ROBO1: variants seen among roughly 807,000 people sequenced by gnomAD.
ROBO1 encodes the protein roundabout homolog 1.
Under a neutral mutation model 195.9 loss-of-function variants are expected in ROBO1, and 149 were observed. The observed-to-expected ratio is 0.76, with a 90% CI of 0.67 to 0.87. The LOEUF (loss-of-function observed/expected upper bound fraction) is 0.87, where lower values mean the gene tolerates loss of function less well. Ranked by LOEUF, ROBO1 falls within the 40% of genes least tolerant of loss-of-function variation. The pLI, the probability that ROBO1 is intolerant of heterozygous loss-of-function variation, is 0.00. For synonymous variants in ROBO1, 816 were observed against 733.2 expected, an observed-to-expected ratio of 1.11 and a Z score of -1.82; for missense variants, 1,933 against 2,068.3, an observed-to-expected ratio of 0.93 and a Z score of 1.27.
chr3:78,603,822 A>G (rs1168950999), intron 29 of ROBO1, among the ~76,000 whole-genome samples: 5 of 152,186 alleles, frequency 3.3e-5, no homozygotes. Context: ...ATAATAACTC[A>G]TCAGTGTACC....
chr3:79,730,103 T>A (rs1442204990), intron 1 of ROBO1, among the ~76,000 whole-genome samples: 1 of 152,216 alleles, frequency 6.6e-6, no homozygotes, highest in Non-Finnish European at 1.5e-5. Flanking sequence ...TGTTTCTTCA[T>A]CTACTAGGTG....
chr3:79,659,593 C>G (rs1201760517), intron 1 of ROBO1, among the ~76,000 whole-genome samples: 1 of 146,328 alleles, frequency 6.8e-6, no homozygotes, highest in African/African-American at 2.6e-5. Context: ...GATGTATGAA[C>G]AATGGACCCA....
At chr3:79,434,957 G>T (rs1289598117) in intron 2 of ROBO1, among the ~76,000 whole-genome samples, 2 of 151,920 alleles carry the variant, frequency 1.3e-5, no homozygotes, top group African/African-American at 4.8e-5. Flanking sequence ...GCAAACTATC[G>T]CAAGGACAAA....
chr3:78,680,002 G>A (rs2080854363), intron 10 of ROBO1, among the ~76,000 whole-genome samples: 1 of 152,146 alleles, frequency 6.6e-6, no homozygotes, highest in African/African-American at 2.4e-5. Context: ...CAATGGAACA[G>A]AACACAAGCC....
intron 1 of ROBO1, 150 bp from the exon 2 acceptor site, chr3:79,590,111 G>C: frequency 2.3e-6 from 1 of 439,682 alleles, no homozygotes. Context: ...AATATGAATT[G>C]TATAGATATA....
At chr3:79,587,584 A>C (rs1363079860) in intron 2 of ROBO1, among the ~76,000 whole-genome samples, 4 of 151,678 alleles carry the variant, frequency 2.6e-5, no homozygotes, top group African/African-American at 9.7e-5. Context: ...TTTTTTCTTA[A>C]GAGAAAGAGT....
At chr3:79,219,306 G>C (rs1429972466) in intron 2 of ROBO1, among the ~76,000 whole-genome samples, 1 of 151,918 alleles carries the variant, frequency 6.6e-6, no homozygotes, top group Non-Finnish European at 1.5e-5. Flanking sequence ...CATAGACATT[G>C]AAAAATATGT....
intron 1 of ROBO1, among the ~76,000 whole-genome samples, chr3:79,617,030 G>A (rs531077142): frequency 6.6e-6 from 1 of 152,102 alleles, no homozygotes; most frequent in South Asian, 2.1e-4. Flanking sequence ...TTGAGATAAA[G>A]CACAATGTCT....
intron 4 of ROBO1, among the ~76,000 whole-genome samples, chr3:78,755,271 C>T (rs2082899607): frequency 6.6e-6 from 1 of 152,038 alleles, no homozygotes; most frequent in African/African-American, 2.4e-5. Context: ...AGTTGGAGAC[C>T]AGCCTGCGAA....
intron 2 of ROBO1, among the ~76,000 whole-genome samples, chr3:79,513,568 GAAGT>G (rs1329736045): frequency 2.6e-5 from 4 of 152,168 alleles, no homozygotes; most frequent in African/African-American, 9.6e-5. Context: ...ACATAACTGA[GAAGT>G]AATTCAATTT....
chr3:78,699,036 A>T (rs2081361404), intron 8 of ROBO1, among the ~76,000 whole-genome samples: 1 of 152,264 alleles, frequency 6.6e-6, no homozygotes, highest in South Asian at 2.1e-4. Flanking sequence ...GTCCACTTAG[A>T]AAGCCAGAAA....
At chr3:79,597,161 A>G (rs945759529) in intron 1 of ROBO1, among the ~76,000 whole-genome samples, 2 of 151,176 alleles carry the variant, frequency 1.3e-5, no homozygotes, top group Non-Finnish European at 3.0e-5. Context: ...ATTATGACTG[A>G]CTAATCTACA....
chr3:79,193,246 T>G lies in ROBO1; in HGVS notation c.89-67707A>C, dbSNP rs149582977. On this transcript the variant is annotated intron_variant, in intron 2 of 30. Transcript: ENST00000464233. ...GAAATGTGAAGTTCAGATGAGAGTC[T>G]TGGTTGGATACAAAAGTTTGTGAGT... 2.0e-3 allele frequency among the ~76,000 whole-genome samples: 299 copies of G among 151,820 alleles called. 1 individual carries two copies. Among genetic ancestry groups the G allele is most frequent in the African/African-American group, 6.9e-3 (286 of 41,496 alleles).
At chr3:79,750,940 C>A (rs1227313382) in intron 1 of ROBO1, among the ~76,000 whole-genome samples, 1 of 152,114 alleles carries the variant, frequency 6.6e-6, no homozygotes, top group Non-Finnish European at 1.5e-5. Flanking sequence ...CTAAAATAAA[C>A]AAACCATTAA....
intron 3 of ROBO1, among the ~76,000 whole-genome samples, chr3:79,031,048 A>G (rs2078288048): frequency 2.0e-5 from 3 of 152,168 alleles, no homozygotes; most frequent in Non-Finnish European, 4.4e-5. Flanking sequence ...CTTCATGCAT[A>G]CTTGAATTCA....
At chr3:79,236,372 T>C (rs901817225) in intron 2 of ROBO1, among the ~76,000 whole-genome samples, 1 of 152,158 alleles carries the variant, frequency 6.6e-6, no homozygotes, top group Non-Finnish European at 1.5e-5. Context: ...CAATTACCAA[T>C]GGTTTCTTGT....
chr3:78,703,836 TAA>T lies in ROBO1; in HGVS notation c.1045+10559_1045+10560del, dbSNP rs545523239. 1.6e-4 allele frequency among the ~76,000 whole-genome samples: 22 copies of T among 141,128 alleles called. No individual in the cohort carries two copies. The South Asian group carries it at 4.8e-3, about 31-fold the overall frequency. 92.6% of individuals were successfully genotyped at this position (141,128 alleles called of 152,430 possible). On this transcript the variant is annotated intron_variant, in intron 8 of 30. Coordinates refer to ENST00000464233, the MANE Select transcript of ROBO1 (RefSeq NM_002941.4). The stretch of plus-strand genomic sequence containing the variant: ...TTACACACACACACATATATATATA[TAA>T]AATCCTCCAACCCCTGAAGCACTGC...
chr3:79,505,946 G>A (rs1940368299), intron 2 of ROBO1, among the ~76,000 whole-genome samples: 1 of 152,234 alleles, frequency 6.6e-6, no homozygotes, highest in East Asian at 1.9e-4. Context: ...GATGCACAGA[G>A]GGATGATCCT....
chr3:79,671,154 G>A (rs1050217085), intron 1 of ROBO1, among the ~76,000 whole-genome samples: 1 of 151,796 alleles, frequency 6.6e-6, no homozygotes, highest in Non-Finnish European at 1.5e-5. Context: ...GTTACCACCT[G>A]TAACATGCTC....
Sources: allele counts gnomAD v4.1 joint callset (sites outside exome capture counted in the v4.1 genomes callset), GRCh38; gene constraint gnomAD v4.1.1; transcripts MANE v1.5; gene names NCBI Gene and HGNC (gene_info 2026-07-23, HGNC 2026-07-21).